Variants in CDH8 observed in about 807,000 individuals in gnomAD.
CDH8 encodes cadherin-8.
In CDH8, 17 loss-of-function variants were observed where a neutral mutation model predicts 68.1. The observed-to-expected ratio is 0.25, with a 90% CI of 0.17 to 0.37. CDH8 has a LOEUF of 0.37. CDH8 is among the 10% of genes least tolerant of loss of function. The pLI, the probability that CDH8 is intolerant of heterozygous loss-of-function variation, is 1.00. For synonymous variants in CDH8, 372 were observed against 365.1 expected, an observed-to-expected ratio of 1.02 and a Z score of -0.21; for missense variants, 763 against 999.3, an observed-to-expected ratio of 0.76 and a Z score of 3.19.
chr16:61,923,569 C>T (rs1964408812), intron 2 of CDH8, among the ~76,000 whole-genome samples: 1 of 151,728 alleles, frequency 6.6e-6, no homozygotes, highest in Non-Finnish European at 1.5e-5. Context: ...AGGAAATAAA[C>T]TCTTCCCTCT....
chr16:61,681,288 G>A (rs1479301536), intron 10 of CDH8, among the ~76,000 whole-genome samples: 1 of 151,828 alleles, frequency 6.6e-6, no homozygotes, highest in Non-Finnish European at 1.5e-5. Context: ...TCCATCAGCT[G>A]CTGCATGAAT....
At position 61,653,768 on chromosome 16, in the gene CDH8, T is replaced by C. The variant is rs770694324; in HGVS notation, c.2240A>G (p.Tyr747Cys). The C allele has an allele frequency of 1.2e-6, 2 of 1,614,198 alleles. No individual in the cohort carries two copies. Among genetic ancestry groups the C allele is most frequent in the South Asian group, 2.2e-5 (2 of 91,082 alleles). The change falls in exon 12 of 12, where the codon TAT becomes TGT. Residue 747 changes from tyrosine (Y) to cysteine (C), a missense_variant. This residue lies in a region of CDH8 where 397 missense variants were observed against 436.2 expected (regional missense o/e 0.91). Transcript: ENST00000577390. ...TAPPYDSIQI[Y>C]GYEGRGSVAG... Reference sequence around the variant, plus strand: ...CACTGACCCTCGGCCTTCATAGCCATATATCTGAATGGAGTCATATGGCGG... The same window carrying C: ...CACTGACCCTCGGCCTTCATAGCCACATATCTGAATGGAGTCATATGGCGG...
intron 7 of CDH8, among the ~76,000 whole-genome samples, chr16:61,806,729 C>A: frequency 4.9e-5 from 1 of 20,498 alleles, no homozygotes. Flanking sequence ...AAATGCTCAT[C>A]ATCACTGGCC....
intron 1 of CDH8, among the ~76,000 whole-genome samples, chr16:62,026,053 A>G (rs1902192050): frequency 6.6e-6 from 1 of 152,310 alleles, no homozygotes; most frequent in Admixed American, 6.5e-5. Context: ...TTAGAGGCAG[A>G]CTGGTTAATA....
chr16:61,862,800 C>A (rs1963175610), intron 3 of CDH8, among the ~76,000 whole-genome samples: 1 of 152,138 alleles, frequency 6.6e-6, no homozygotes, highest in South Asian at 2.1e-4. Context: ...AATGTGTAAA[C>A]CTTGCAGGAT....
intron 8 of CDH8, among the ~76,000 whole-genome samples, chr16:61,744,460 A>G (rs913290351): frequency 6.6e-6 from 1 of 152,010 alleles, no homozygotes; most frequent in African/African-American, 2.4e-5. Context: ...GTCTCTATTT[A>G]TCCTTATATT....
At chr16:61,989,631 G>C (rs868114127) in intron 2 of CDH8, among the ~76,000 whole-genome samples, 1 of 152,186 alleles carries the variant, frequency 6.6e-6, no homozygotes, top group East Asian at 1.9e-4. Flanking sequence ...AATGTGTTCA[G>C]ACTGCCATCC....
chr16:61,905,539 G>C (rs548628127), intron 2 of CDH8, among the ~76,000 whole-genome samples: 111 of 152,122 alleles, frequency 7.3e-4, no homozygotes, highest in Non-Finnish European at 1.2e-3. Flanking sequence ...AACTAAAGAT[G>C]ATTTCTTCAT....
chr16:61,714,621 C>T (rs1294112565), intron 9 of CDH8, among the ~76,000 whole-genome samples: 1 of 151,516 alleles, frequency 6.6e-6, no homozygotes, highest in East Asian at 1.9e-4. Context: ...GGAATCGGTG[C>T]TTATTAAATG....
chr16:61,652,759 A>T lies in CDH8; in HGVS notation c.*849T>A. The T allele has an allele frequency of 7.5e-7, 1 of 1,324,568 alleles. No individual in the cohort carries two copies. The allele number at this position is 1,324,568 out of a possible 1,614,324, so 82.1% of individuals were successfully genotyped here. On this transcript the variant is annotated 3_prime_UTR_variant, in exon 12 of 12. Coordinates refer to ENST00000577390, the MANE Select transcript of CDH8 (RefSeq NM_001796.5). ...AAGCATTAATGGACATCAATAAAAT[A>T]TTTATTTCGAGGATTAAACAAATAA...
intron 8 of CDH8, among the ~76,000 whole-genome samples, chr16:61,776,544 T>C (rs1205909319): frequency 2.4e-4 from 36 of 152,100 alleles, no homozygotes; most frequent in Non-Finnish European, 2.1e-4. Flanking sequence ...TTAATATATA[T>C]AATCAAGGAA....
At chr16:61,979,262 G>A (rs1212665430) in intron 2 of CDH8, among the ~76,000 whole-genome samples, 1 of 152,170 alleles carries the variant, frequency 6.6e-6, no homozygotes, top group African/African-American at 2.4e-5. Context: ...CGGATAACAT[G>A]ACACAGGTGG....
intron 8 of CDH8, among the ~76,000 whole-genome samples, chr16:61,781,078 C>T (rs1032973876): frequency 1.3e-5 from 2 of 152,224 alleles, no homozygotes; most frequent in African/African-American, 4.8e-5. Context: ...TGAACATCTT[C>T]CCTGACTGAG....
At chr16:61,888,457 C>T (rs1963716989) in intron 3 of CDH8, among the ~76,000 whole-genome samples, 1 of 152,060 alleles carries the variant, frequency 6.6e-6, no homozygotes, top group African/African-American at 2.4e-5. Context: ...AGGTCTAATC[C>T]CTATAATAAC....
chr16:61,714,157 G>T, intron 9 of CDH8, 199 bp from the exon 10 acceptor site: 1 of 544,442 alleles, frequency 1.8e-6, no homozygotes, highest in Non-Finnish European at 3.2e-6. Context: ...TTGATAAGTT[G>T]ATGAAAATTA....
At position 61,649,843 on chromosome 16, in the gene CDH8, C is replaced by A. The variant is rs1963282016; in HGVS notation, c.*3765G>T. 6.6e-6 allele frequency: 1 copy of A among 152,096 alleles called. No individual in the cohort carries two copies. The highest frequency in any genetic ancestry group is 2.4e-5 in the African/African-American group (1 of 41,440). 9.4% of individuals were successfully genotyped at this position (152,096 alleles called of 1,614,324 possible). A position where few individuals can be genotyped will look rare whatever the true frequency, so the allele number is the denominator to read the frequency against. On this transcript the variant is annotated 3_prime_UTR_variant, in exon 12 of 12. Transcript: ENST00000577390. The stretch of plus-strand genomic sequence containing the variant: ...CCAAAATACAGCATAGCCCAGAACT[C>A]TGTTGAGTCTCAGTGTGGAATCCAG...
At chr16:61,833,221 GTA>G (rs1962500373) in intron 4 of CDH8, among the ~76,000 whole-genome samples, 1 of 151,094 alleles carries the variant, frequency 6.6e-6, no homozygotes, top group Non-Finnish European at 1.5e-5. Flanking sequence ...TATATACACA[GTA>G]TATATATTTT....
intron 3 of CDH8, among the ~76,000 whole-genome samples, chr16:61,869,355 A>G (rs1963315048): frequency 6.6e-6 from 1 of 152,142 alleles, no homozygotes; most frequent in Non-Finnish European, 1.5e-5. Context: ...GTGTGCAGAG[A>G]AGATTGACCC....
intron 3 of CDH8, among the ~76,000 whole-genome samples, chr16:61,890,745 C>T (rs1428121027): frequency 1.3e-5 from 2 of 152,072 alleles, no homozygotes; most frequent in Admixed American, 6.6e-5. Context: ...TTTTTCATCA[C>T]ATTTTCTTGT....
Sources: allele counts gnomAD v4.1 joint callset (sites outside exome capture counted in the v4.1 genomes callset), GRCh38; gene constraint gnomAD v4.1.1; regional missense constraint gnomAD v4.1.1; transcripts MANE v1.5; gene names NCBI Gene and HGNC (gene_info 2026-07-23, HGNC 2026-07-21).